Variants in KRT80 observed in about 807,000 individuals in gnomAD.
KRT80 encodes keratin, type II cytoskeletal 80.
A neutral mutation model predicts 51.5 loss-of-function variants in KRT80; 36 were observed. That is an observed-to-expected ratio of 0.70 (90% CI 0.54 to 0.92). The LOEUF (loss-of-function observed/expected upper bound fraction) is 0.92. KRT80 is among the 40% of genes least tolerant of loss of function. The pLI is 0.00. For missense variants in KRT80, 566 were observed against 591.7 expected, an observed-to-expected ratio of 0.96 and a Z score of 0.45; for synonymous variants, 235 against 248.3, an observed-to-expected ratio of 0.95 and a Z score of 0.50.
At chr12:52,180,999 G>T (rs777449796) in intron 2 of KRT80, 36 bp from the exon 3 acceptor site, 2 of 1,484,494 alleles carry the variant, frequency 1.3e-6, no homozygotes, top group Admixed American at 4.6e-5. Flanking sequence ...GCTGGATATG[G>T]TGGGGGCTTG....
intron 4 of KRT80, among the ~76,000 whole-genome samples, chr12:52,179,117 G>A (rs78487129): frequency 0.011 from 1,625 of 152,340 alleles, 35 homozygotes; most frequent in African/African-American, 0.037. Context: ...CACTGGGCTC[G>A]GTTTTCAGAA....
intron 6 of KRT80, 100 bp from the exon 7 acceptor site, chr12:52,172,518 G>A (rs1941126733): frequency 1.8e-6 from 2 of 1,089,802 alleles, no homozygotes; most frequent in African/African-American, 1.6e-5. Flanking sequence ...GTAGGTGTGG[G>A]GAGGGAGGGC....
At chr12:52,181,536 C>A (rs1413325342) in intron 2 of KRT80, among the ~76,000 whole-genome samples, 1 of 152,210 alleles carries the variant, frequency 6.6e-6, no homozygotes, top group African/African-American at 2.4e-5. Context: ...AGTTGCATCA[C>A]CCCTCCTCTC....
intron 2 of KRT80, among the ~76,000 whole-genome samples, chr12:52,183,937 G>A (rs1941362985): frequency 6.6e-6 from 1 of 152,264 alleles, no homozygotes; most frequent in Admixed American, 6.5e-5. Flanking sequence ...GATCAGGAAA[G>A]TGGGTCACAG....
Position 52,172,891 on chromosome 12 carries a change from C to T in KRT80, c.957+147G>A, listed in dbSNP as rs906281160. 3 of 890,688 alleles carry T rather than the reference C, an allele frequency of 3.4e-6. No individual in the cohort carries two copies. In the African/African-American group the frequency reaches 5.1e-5, roughly 15 times the overall value. 55.2% of individuals were successfully genotyped at this position (890,688 alleles called of 1,614,324 possible). On this transcript the variant is annotated intron_variant, in intron 6 of 8. Coordinates refer to ENST00000394815, the MANE Select transcript of KRT80 (RefSeq NM_182507.3). ...ACTTTAGGAGGCTGTGCTATTATCCCATTTGACAGATTAGGAAACTGAGGC... is the reference window on the plus strand; with the variant it reads ...ACTTTAGGAGGCTGTGCTATTATCCTATTTGACAGATTAGGAAACTGAGGC...
intron 2 of KRT80, among the ~76,000 whole-genome samples, chr12:52,185,168 G>A (rs1300648425): frequency 1.3e-5 from 2 of 152,204 alleles, no homozygotes; most frequent in African/African-American, 2.4e-5. Context: ...TTTAAGGGTT[G>A]CTATTAGGGA....
At chr12:52,182,143 G>A (rs955406584) in intron 2 of KRT80, among the ~76,000 whole-genome samples, 4 of 152,218 alleles carry the variant, frequency 2.6e-5, no homozygotes, top group Non-Finnish European at 4.4e-5. Flanking sequence ...TGGCTGCCAA[G>A]AGTCTGTTAG....
intron 2 of KRT80, among the ~76,000 whole-genome samples, chr12:52,183,582 G>A (rs1941357522): frequency 6.6e-6 from 1 of 152,238 alleles, no homozygotes. Flanking sequence ...CCTACCCAGA[G>A]AGAGGAAGAG....
chr12:52,169,754 C>T lies in KRT80; in HGVS notation c.*1644G>A, dbSNP rs142238946. 6.6e-6 allele frequency: 1 copy of T among 152,238 alleles called. No homozygotes were observed. The highest frequency in any genetic ancestry group is 1.5e-5 in the Non-Finnish European group (1 of 68,050). 9.4% of individuals were successfully genotyped at this position (152,238 alleles called of 1,614,324 possible). ...CTTGTATCCCCACTGAGGATTTGCT[C>T]CCTTGGAAACCAATGAAGAGCCTGA... is the stretch of plus-strand genomic sequence containing the variant. On this transcript the variant is annotated 3_prime_UTR_variant, in exon 9 of 9. Transcript: ENST00000394815.
chr12:52,169,801 C>T lies in KRT80; in HGVS notation c.*1597G>A, dbSNP rs1267521555. On this transcript the variant is annotated 3_prime_UTR_variant, in exon 9 of 9. Coordinates refer to ENST00000394815, the MANE Select transcript of KRT80 (RefSeq NM_182507.3). Reference sequence around the variant, plus strand: ...CTGAGGAAAAGCACCAATCAGCACCCTCTTTTGGGACTTTGGGGATGAGAA... The same window carrying T: ...CTGAGGAAAAGCACCAATCAGCACCTTCTTTTGGGACTTTGGGGATGAGAA... 1 of 152,272 alleles carries T rather than the reference C, an allele frequency of 6.6e-6. No homozygotes were observed. The highest frequency in any genetic ancestry group is 1.5e-5 in the Non-Finnish European group (1 of 68,068). 9.4% of individuals were successfully genotyped at this position (152,272 alleles called of 1,614,324 possible). A position where few individuals can be genotyped will look rare whatever the true frequency, so the allele number is the denominator to read the frequency against.
rs558624291 is a variant in KRT80 at position 52,185,594 on chromosome 12, G to A, written c.301-7C>T. On this transcript the variant is annotated splice_polypyrimidine_tract_variant and splice_region_variant and intron_variant, in intron 1 of 8. Coordinates refer to ENST00000394815, the MANE Select transcript of KRT80 (RefSeq NM_182507.3). ...GCTGTTCCAGGGCTTGCACCTGGGA[G>A]AGCAGGAAGGCGGCGAATGGGTCAG... is the stretch of plus-strand genomic sequence containing the variant. 11 of 1,605,072 alleles carry A rather than the reference G, an allele frequency of 6.9e-6. No homozygotes were observed. The highest frequency in any genetic ancestry group is 3.3e-5 in the South Asian group (3 of 90,956).
Position 52,191,768 on chromosome 12 carries a change from G to C in KRT80, c.135C>G (p.Ser45Arg). The change falls in exon 1 of 9, where the codon AGC becomes AGG. Residue 45 changes from serine to arginine, a missense_variant. Physicochemically the swap from Ser to Arg is moderately radical, Grantham distance 110. Coordinates refer to ENST00000394815, the MANE Select transcript of KRT80 (RefSeq NM_182507.3). ...RAPGPGFSSR[S>R]LTGCWSAGTI... ...TGCCAGCCGACCAGCAGCCTGTGAG[G>C]CTGCGGGAGCTGAAGCCCGGCCCGG... 1 of 1,612,536 alleles carries C rather than the reference G, an allele frequency of 6.2e-7. No homozygotes were observed. The highest frequency in any genetic ancestry group is 8.5e-7 in the Non-Finnish European group (1 of 1,179,480).
At chr12:52,177,818 T>C (rs1422314616) in intron 4 of KRT80, among the ~76,000 whole-genome samples, 2 of 152,042 alleles carry the variant, frequency 1.3e-5, no homozygotes, top group African/African-American at 4.8e-5. Context: ...TTCTGCCAGG[T>C]TTTTCTTCCA....
intron 4 of KRT80, among the ~76,000 whole-genome samples, chr12:52,179,415 G>A (rs1002891043): frequency 3.3e-5 from 5 of 152,228 alleles, no homozygotes; most frequent in African/African-American, 9.6e-5. Flanking sequence ...TTTCAGGGCT[G>A]TGGGGAGAGC....
rs762135020 is a variant in KRT80 at position 52,180,940 on chromosome 12, C to T, written c.533G>A (p.Arg178His). Residue 178 changes from arginine to histidine, a missense_variant, in exon 3 of 9, where the codon CGC (arginine) becomes CAC (histidine). Coordinates refer to ENST00000394815, the MANE Select transcript of KRT80 (RefSeq NM_182507.3). ...AACAAAGGTGAACTCCATGTCTGTG[C>T]GCTTGGAGATCTCATCCTCATACCT... ...RIRYEDEISK[R>H]TDMEFTFVQL... is the part of the protein sequence containing the mutation. 2.1e-5 allele frequency: 33 copies of T among 1,537,698 alleles called. No individual in the cohort carries two copies. Among genetic ancestry groups the T allele is most frequent in the East Asian group, 1.1e-4 (5 of 43,962 alleles).
chr12:52,174,847 A>G (rs1205220534), intron 4 of KRT80, among the ~76,000 whole-genome samples: 2 of 152,178 alleles, frequency 1.3e-5, no homozygotes, highest in Non-Finnish European at 2.9e-5. Flanking sequence ...GTAGGGAGGC[A>G]GGTGGGACCA....
intron 1 of KRT80, among the ~76,000 whole-genome samples, chr12:52,191,249 G>A (rs553048448): frequency 3.3e-5 from 5 of 152,300 alleles, no homozygotes; most frequent in South Asian, 4.1e-4. Flanking sequence ...GAGTAGGACC[G>A]CAGAGCATGC....
rs1178977561 is a variant in KRT80, at chr12:52,172,361, G to C, written c.1015C>G (p.Gln339Glu). 6.2e-7 allele frequency: 1 copy of C among 1,614,180 alleles called. No individual in the cohort carries two copies. The highest frequency in any genetic ancestry group is 2.2e-5 in the East Asian group (1 of 44,886). The change falls in exon 7 of 9, where the codon CAG becomes GAG. Residue 339 changes from glutamine to glutamate, a missense_variant. Gln to Glu is a conservative substitution (Grantham distance 29, BLOSUM62 2). Coordinates refer to ENST00000394815, the MANE Select transcript of KRT80 (RefSeq NM_182507.3). ...TGGGCCAGCTTGGTCTTGGCATCCT[G>C]GAAGGCCAGCTCACCCTGCTCCTCA... ...TAEEQGELAF[Q>E]DAKTKLAQLE...
At position 52,191,760 on chromosome 12, in the gene KRT80, C is replaced by G; in HGVS notation, c.143G>C (p.Gly48Ala). The G allele has an allele frequency of 1.2e-6, 2 of 1,613,240 alleles. No homozygotes were observed. The change falls in exon 1 of 9, where the codon GGC becomes GCC. Residue 48 changes from glycine (G) to alanine (A), a missense_variant. By Grantham distance (60) the Gly-to-Ala change is moderately conservative (BLOSUM62 0). Transcript: ENST00000394815. ...GPGFSSRSLTGCWSAGTISKV... is the reference protein window; with the variant it reads ...GPGFSSRSLTACWSAGTISKV... ...GGAGATAGTGCCAGCCGACCAGCAG[C>G]CTGTGAGGCTGCGGGAGCTGAAGCC... is the stretch of plus-strand genomic sequence containing the variant.
Sources: gnomAD v4.1 joint callset for allele counts (sites outside exome capture counted in the v4.1 genomes callset) on GRCh38, gnomAD v4.1.1 for gene constraint, MANE v1.5 for transcripts, NCBI Gene and HGNC (gene_info 2026-07-23, HGNC 2026-07-21) for gene names.